NTRK1: variants seen among roughly 807,000 people sequenced by gnomAD.
NTRK1 encodes neurotrophic receptor tyrosine kinase 1.
Under a neutral mutation model 86.8 loss-of-function variants are expected in NTRK1, and 62 were observed. The observed-to-expected ratio is 0.71, with a 90% CI of 0.58 to 0.88. The LOEUF is 0.88. Ranked by LOEUF, NTRK1 falls within the 40% of genes least tolerant of loss-of-function variation. The pLI is 0.00. For missense variants in NTRK1, 967 were observed against 1,078.4 expected (o/e 0.90, Z 1.45); for synonymous variants, 469 against 456.6 (o/e 1.03, Z -0.35).
intron 2 of NTRK1, chr1:156,845,749 C>T (rs1157483318): frequency 1.9e-6 from 3 of 1,613,634 alleles, no homozygotes; most frequent in Admixed American, 1.7e-5. Context: ...GACTCCATCT[C>T]GGCCTCAGGA....
chr1:156,849,105 C>G, intron 2 of NTRK1: 1 of 1,598,750 alleles, frequency 6.3e-7, no homozygotes, highest in African/African-American at 1.3e-5. Context: ...GAGCGCCCAC[C>G]CTGACCCCGC....
upstream of NTRK1, among the ~76,000 whole-genome samples, chr1:156,859,292 G>A (rs1655524812): frequency 6.6e-6 from 1 of 152,298 alleles, no homozygotes; most frequent in South Asian, 2.1e-4. The surrounding 1 kb of genome is among the most constrained non-coding windows in gnomAD (Gnocchi z 6.2). Context: ...AATACGGGGG[G>A]AGGGTGGGCC....
chr1:156,827,269 T>A (rs1328873836), intron 1 of NTRK1, among the ~76,000 whole-genome samples: 2 of 44,794 alleles, frequency 4.5e-5, no homozygotes, highest in Admixed American at 2.6e-4. Flanking sequence ...TTTATTTTTT[T>A]ATTTTTTTTT....
intron 2 of NTRK1, chr1:156,842,955 G>A (rs1654852390): frequency 7.1e-7 from 1 of 1,410,982 alleles, no homozygotes. Context: ...CTTACCACAT[G>A]ACCTTTACAC....
Position 156,871,432 on chromosome 1 carries a change from T to C in NTRK1, c.718-191T>C, listed in dbSNP as rs554039803. Among the ~76,000 whole-genome samples, 4 of 152,236 alleles carry C rather than the reference T, an allele frequency of 2.6e-5. No homozygotes were observed. The East Asian group carries it at 7.7e-4, about 29-fold the overall frequency. On this transcript the variant is annotated intron_variant, in intron 6 of 16. Transcript: ENST00000524377. ...TAAAAAAAAAATGTGATCCAGGAGA[T>C]AGTCAACGAACAAACCTAAAGGAGG...
intron 1 of NTRK1, chr1:156,840,670 CG>C (rs1200066520): frequency 1.2e-5 from 7 of 602,314 alleles, no homozygotes; most frequent in Non-Finnish European, 2.1e-5. Context: ...TGCTCTCCCC[CG>C]AGGGACTCAG....
At chr1:156,850,434 A>AC (rs1553259278) in intron 2 of NTRK1, among the ~76,000 whole-genome samples, 1 of 147,276 alleles carries the variant, frequency 6.8e-6, no homozygotes, top group East Asian at 2.0e-4. Flanking sequence ...CTGGTCTTGA[A>AC]CTCCTGACCG....
At chr1:156,856,782 G>T (rs11264574), upstream of NTRK1, among the ~76,000 whole-genome samples, 7,738 of 152,232 alleles carry the variant, frequency 0.051, 207 homozygotes, top group Admixed American at 0.075. Context: ...TGGATGTCTG[G>T]ATCCCAAGTT....
chr1:156,844,284 G>T, intron 2 of NTRK1: 2 of 1,606,628 alleles, frequency 1.2e-6, no homozygotes, highest in Non-Finnish European at 1.7e-6. Context: ...TCCTCCTCTG[G>T]CAGTCAGAGG....
At chr1:156,872,925 C>T (rs1647644410) in intron 7 of NTRK1, among the ~76,000 whole-genome samples, 1 of 151,976 alleles carries the variant, frequency 6.6e-6, no homozygotes, top group African/African-American at 2.4e-5. Context: ...GATCCGCCCG[C>T]CTCGGCCTCC....
At chr1:156,863,177 CTG>C in intron 1 of NTRK1, among the ~76,000 whole-genome samples, 1 of 152,168 alleles carries the variant, frequency 6.6e-6, no homozygotes, top group Non-Finnish European at 1.5e-5. Context: ...AGGGCGTCAG[CTG>C]TCCCCTAGCC....
chr1:156,868,216 G>C lies in NTRK1; in HGVS notation c.541G>C (p.Gly181Arg). The C allele has an allele frequency of 6.2e-7, 1 of 1,612,338 alleles. No homozygotes were observed. Among genetic ancestry groups the C allele is most frequent in the South Asian group, 1.1e-5 (1 of 91,090 alleles). ...ACAGAAGCTGCAGTGTCATGGGCAA[G>C]GGCCCCTGGCCCACATGCCCAATGC... ...PEQKLQCHGQGPLAHMPNASC... is the reference protein window; with the variant it reads ...PEQKLQCHGQRPLAHMPNASC... The change falls in exon 5 of 17, where the codon GGG (glycine) becomes CGG (arginine). Residue 181 changes from glycine (G) to arginine (R), a missense_variant. Coordinates refer to ENST00000524377, the MANE Select transcript of NTRK1 (RefSeq NM_002529.4).
chr1:156,851,996 T>TCAGCTGTGACACAGCGCC (rs1489360682), intron 2 of NTRK1: 20 of 1,611,986 alleles, frequency 1.2e-5, no homozygotes, highest in Non-Finnish European at 1.6e-5. Flanking sequence ...GGCACAGCGC[T>TCAGCTGTGACACAGCGCC]CAGCTGTGAC....
chr1:156,875,164 T>TTGTGAG (rs1647823766), intron 11 of NTRK1, among the ~76,000 whole-genome samples, 156 bp downstream of exon 11: 1 of 151,724 alleles, frequency 6.6e-6, no homozygotes, highest in African/African-American at 2.4e-5. Flanking sequence ...GCTGTGAGGC[T>TTGTGAG]TGTGAGTGTG....
chr1:156,876,373 A>G (rs1333869142), intron 13 of NTRK1, 27 bp from the exon 14 acceptor site: 1 of 1,613,296 alleles, frequency 6.2e-7, no homozygotes, highest in East Asian at 2.2e-5. Flanking sequence ...CCCCCAACTC[A>G]GTCCTGTCCC....
rs1648160845 is a variant in NTRK1 at position 156,880,014 on chromosome 1, A to G, written c.2062A>G (p.Met688Val). ...CCCGTGGCAGGTGGGAGGCCGCACC[A>G]TGCTGCCCATTCGCTGGATGCCGCC... ...TDYYRVGGRT[M>V]LPIRWMPPES... Residue 688 changes from methionine to valine, a missense_variant, in exon 16 of 17, where the codon ATG becomes GTG. Around this residue, in one of 2 missense-constraint regions of NTRK1, gnomAD observed 637 missense variants for 776.5 expected, o/e 0.82. Coordinates refer to ENST00000524377, the MANE Select transcript of NTRK1 (RefSeq NM_002529.4). 13 of 1,612,460 alleles carry G rather than the reference A, an allele frequency of 8.1e-6. No homozygotes were observed. The highest frequency in any genetic ancestry group is 1.3e-5 in the African/African-American group (1 of 74,760).
chr1:156,854,108 A>C lies in NTRK1; in HGVS notation c.51-10246A>C, dbSNP rs1292330077. The C allele has an allele frequency of 6.2e-7, 1 of 1,614,002 alleles. No homozygotes were observed. Among genetic ancestry groups the C allele is most frequent in the East Asian group, 2.2e-5 (1 of 44,898 alleles). On this transcript the variant is annotated intron_variant, in intron 2 of 16. Transcript: ENST00000392302. This position sits in a 1 kb window ranked among gnomAD's most constrained non-coding sequence, Gnocchi z 4.2. ...TGCTAGGTTGGGGAAGAGGTCGCGCAGGCTCTCCAGTCCGTAGACACGGAA... is the reference window on the plus strand; with the variant it reads ...TGCTAGGTTGGGGAAGAGGTCGCGCCGGCTCTCCAGTCCGTAGACACGGAA...
At chr1:156,842,871 C>G in intron 2 of NTRK1, 1 of 720,890 alleles carries the variant, frequency 1.4e-6, no homozygotes, top group Non-Finnish European at 2.3e-6. Flanking sequence ...TGACCTTTAC[C>G]CCAATTAGGA....
At chr1:156,848,988 G>A in intron 2 of NTRK1, 1 of 1,611,840 alleles carries the variant, frequency 6.2e-7, no homozygotes, top group Non-Finnish European at 8.5e-7. Flanking sequence ...CGCTCCCAGC[G>A]TAGCAGGATG....
Sources: gnomAD v4.1 joint callset for allele counts (sites outside exome capture counted in the v4.1 genomes callset) on GRCh38, gnomAD v4.1.1 for gene constraint, gnomAD v4.1.1 regional missense constraint, Gnocchi (gnomAD v3.1) non-coding constraint, MANE v1.5 for transcripts, NCBI Gene and HGNC (gene_info 2026-07-23, HGNC 2026-07-21) for gene names.